The following LRRC4C variants were observed in gnomAD, a reference collection of about 807,000 sequenced individuals.
LRRC4C encodes leucine rich repeat containing 4C.
LRRC4C carries 5 observed loss-of-function variants against 33.6 expected under a neutral mutation model. The ratio of observed to expected loss-of-function variants is 0.15; its 90% CI spans 0.08 to 0.31. The LOEUF is 0.31. Among genes scored for constraint, LRRC4C ranks in the 10% least tolerant of loss-of-function variants. The pLI, the probability that LRRC4C is intolerant of heterozygous loss-of-function variation, is 1.00. For missense variants in LRRC4C, 560 were observed against 796.7 expected (o/e 0.70, Z 3.58); for synonymous variants, 329 against 302.0 (o/e 1.09, Z -0.93).
At chr11:41,004,248 A>G (rs1363507981) in intron 1 of LRRC4C, among the ~76,000 whole-genome samples, 3 of 152,176 alleles carry the variant, frequency 2.0e-5, no homozygotes, top group Non-Finnish European at 2.9e-5. Flanking sequence ...CATAGCAAGC[A>G]ATGTTACAAG....
chr11:40,499,374 A>G (rs567762481), intron 3 of LRRC4C, among the ~76,000 whole-genome samples: 1 of 152,352 alleles, frequency 6.6e-6, no homozygotes, highest in Non-Finnish European at 1.5e-5. Flanking sequence ...AGCAAGTATC[A>G]TATGGAAACC....
intron 1 of LRRC4C, among the ~76,000 whole-genome samples, chr11:41,057,576 T>A (rs1858723454): frequency 1.3e-5 from 2 of 152,188 alleles, no homozygotes; most frequent in East Asian, 1.9e-4. Context: ...GGCCTGCCCA[T>A]GGACCAATAG....
intron 1 of LRRC4C, among the ~76,000 whole-genome samples, chr11:41,052,238 C>G (rs1377019715): frequency 6.6e-6 from 1 of 152,120 alleles, no homozygotes; most frequent in East Asian, 1.9e-4. Context: ...ATAAAAAACT[C>G]TCTGTTTGAA....
intron 4 of LRRC4C, among the ~76,000 whole-genome samples, chr11:40,302,737 T>A (rs572463031): frequency 6.6e-6 from 1 of 152,328 alleles, no homozygotes; most frequent in East Asian, 1.9e-4. Context: ...GACTTAGCAA[T>A]GCTTTAGTAA....
chr11:40,170,026 A>G (rs1859917625), intron 5 of LRRC4C, among the ~76,000 whole-genome samples: 10 of 152,204 alleles, frequency 6.6e-5, no homozygotes, highest in Admixed American at 6.5e-4. Flanking sequence ...TGGCTTTACA[A>G]TAATATATAG....
chr11:40,433,112 GATT>G (rs1268148110), intron 3 of LRRC4C, among the ~76,000 whole-genome samples: 6 of 151,960 alleles, frequency 3.9e-5, no homozygotes, highest in Admixed American at 3.9e-4. Flanking sequence ...TTACACATAG[GATT>G]ATGTTGTACA....
chr11:41,277,887 T>A (rs1237491282), intron 1 of LRRC4C, among the ~76,000 whole-genome samples: 11 of 151,918 alleles, frequency 7.2e-5, no homozygotes. Context: ...ACCTGGCATT[T>A]TGGTTGCACC....
intron 3 of LRRC4C, among the ~76,000 whole-genome samples, chr11:40,634,873 G>C (rs1049812453): frequency 1.3e-5 from 2 of 151,904 alleles, no homozygotes; most frequent in Non-Finnish European, 2.9e-5. Flanking sequence ...CTGGGCAACA[G>C]AGCAAGACAC....
At chr11:40,357,740 G>A (rs1947738393) in intron 3 of LRRC4C, among the ~76,000 whole-genome samples, 1 of 152,032 alleles carries the variant, frequency 6.6e-6, no homozygotes, top group African/African-American at 2.4e-5. Flanking sequence ...CACACAGCAA[G>A]CCTGCCCATC....
intron 2 of LRRC4C, among the ~76,000 whole-genome samples, chr11:40,848,870 G>T (rs1325649076): frequency 6.6e-6 from 1 of 152,134 alleles, no homozygotes; most frequent in Non-Finnish European, 1.5e-5. Context: ...AAATCTTCTT[G>T]TTGAATTAAT....
chr11:41,249,210 A>G lies in LRRC4C; in HGVS notation c.-496+210221T>C, dbSNP rs151223029. On this transcript the variant is annotated intron_variant, in intron 1 of 6. Transcript: ENST00000528697. Reference sequence around the variant, plus strand: ...CCACCACGCCTGGCTAATTTTTTGTATTTTTAGTAGAGACGGGATTTCACC... The same window carrying G: ...CCACCACGCCTGGCTAATTTTTTGTGTTTTTAGTAGAGACGGGATTTCACC... Among the ~76,000 whole-genome samples, 270 of 151,822 alleles carry G rather than the reference A, an allele frequency of 1.8e-3. 5 individuals are homozygous for G. The East Asian group carries it at 0.05, about 28-fold the overall frequency.
chr11:40,773,028 A>C lies in LRRC4C; in HGVS notation c.-406-124750T>G, dbSNP rs543436381. On this transcript the variant is annotated intron_variant, in intron 2 of 6. Transcript: ENST00000528697. ...GGAGTACCATTCAGTCATAAAAAAG[A>C]GTGAGTTCCTGTCATTCACAATAAC... Among the ~76,000 whole-genome samples the C allele has an allele frequency of 2.0e-5, 3 of 152,338 alleles. No individual in the cohort carries two copies. In the South Asian group the frequency reaches 6.2e-4, roughly 32 times the overall value.
In LRRC4C at chr11:40,225,594, A is replaced by G. The variant is rs547237568; in HGVS notation, c.-96+15925T>C. On this transcript the variant is annotated intron_variant, in intron 5 of 6. Coordinates refer to ENST00000528697, the MANE Select transcript of LRRC4C (RefSeq NM_001258419.2). ...GCTTTCTACACAGCAAACGCCCAAT[A>G]TATTTCCCAATTCTCTCTCTCTCTC... Among the ~76,000 whole-genome samples, 5 of 150,136 alleles carry G rather than the reference A, an allele frequency of 3.3e-5. No individual in the cohort carries two copies. In the East Asian group the frequency reaches 7.9e-4, roughly 24 times the overall value.
At chr11:40,762,226 C>T (rs915064246) in intron 2 of LRRC4C, among the ~76,000 whole-genome samples, 1 of 152,092 alleles carries the variant, frequency 6.6e-6, no homozygotes, top group Non-Finnish European at 1.5e-5. Context: ...TGTTGCATGG[C>T]TTGGTTTGTC....
At chr11:41,110,444 A>C (rs1166126299) in intron 1 of LRRC4C, among the ~76,000 whole-genome samples, 1 of 152,086 alleles carries the variant, frequency 6.6e-6, no homozygotes, top group East Asian at 1.9e-4. Flanking sequence ...AGACAAAGAG[A>C]ATGTAAATAA....
rs138801670 is a variant in LRRC4C, at chr11:40,611,990, A to G, written c.-270+36152T>C. ...TCTGAAACAGTCTGGGTCTTCCTCA[A>G]AATACTAAAAATAAAACGACCATAT... On this transcript the variant is annotated intron_variant, in intron 3 of 6. Transcript: ENST00000528697. Among the ~76,000 whole-genome samples, 593 of 152,000 alleles carry G rather than the reference A, an allele frequency of 3.9e-3. 5 individuals carry two copies. Among genetic ancestry groups the G allele is most frequent in the African/African-American group, 0.014 (568 of 41,556 alleles).
chr11:40,180,613 T>G (rs1331317661), intron 5 of LRRC4C, among the ~76,000 whole-genome samples: 1 of 152,198 alleles, frequency 6.6e-6, no homozygotes, highest in Non-Finnish European at 1.5e-5. Flanking sequence ...TTATCACATC[T>G]CTCTGTTGGT....
In LRRC4C at chr11:40,576,578, C is replaced by T. The variant is rs191916880; in HGVS notation, c.-270+71564G>A. ...AATGGGAGTTTTCATGACAGCTCAACGTTCAAAAGAAGAAATGCCCAAGGA... is the reference window on the plus strand; with the variant it reads ...AATGGGAGTTTTCATGACAGCTCAATGTTCAAAAGAAGAAATGCCCAAGGA... On this transcript the variant is annotated intron_variant, in intron 3 of 6. Coordinates refer to ENST00000528697, the MANE Select transcript of LRRC4C (RefSeq NM_001258419.2). 7.2e-5 allele frequency among the ~76,000 whole-genome samples: 11 copies of T among 152,288 alleles called. No individual in the cohort carries two copies. In the East Asian group the frequency reaches 1.2e-3, roughly 16 times the overall value.
chr11:40,280,958 T>C (rs1943433354), intron 4 of LRRC4C, among the ~76,000 whole-genome samples: 1 of 152,026 alleles, frequency 6.6e-6, no homozygotes, highest in Non-Finnish European at 1.5e-5. Context: ...GAATTTTTTG[T>C]TGTTAATAGG....
Sources: gnomAD v4.1 joint callset for allele counts (sites outside exome capture counted in the v4.1 genomes callset) on GRCh38, gnomAD v4.1.1 for gene constraint, MANE v1.5 for transcripts, NCBI Gene and HGNC (gene_info 2026-07-23, HGNC 2026-07-21) for gene names.